ZNF738: variants seen among roughly 807,000 people sequenced by gnomAD.
ZNF738 encodes zinc finger protein 738, also known as protein ZNF738.
A neutral mutation model predicts 9.2 loss-of-function variants in ZNF738; 10 were observed. The observed-to-expected ratio is 1.09, with a 90% confidence interval of 0.67 to 1.85. The LOEUF is 1.85. ZNF738 is among the 40% of genes most tolerant of loss of function. ZNF738 has a pLI of 0.00. For missense variants in ZNF738, 346 were observed against 283.6 expected (o/e 1.22, Z -1.58); for synonymous variants, 113 against 94.5 (o/e 1.20, Z -1.14).
At chr19:21,380,324 A>G (rs1410115173) in intron 4 of ZNF738, among the ~76,000 whole-genome samples, 1 of 152,252 alleles carries the variant, frequency 6.6e-6, no homozygotes, top group Non-Finnish European at 1.5e-5. Context: ...ATGGTGACCA[A>G]ATAAAGAAGT....
intron 2 of ZNF738, among the ~76,000 whole-genome samples, chr19:21,364,682 T>C (rs1048858587): frequency 7.9e-5 from 12 of 151,818 alleles, no homozygotes; most frequent in African/African-American, 2.7e-4. Flanking sequence ...ATAAGAGAAT[T>C]GCTTACTCCA....
intron 4 of ZNF738, chr19:21,379,438 T>G (rs1224073684): frequency 6.6e-6 from 1 of 152,214 alleles, no homozygotes; most frequent in East Asian, 1.9e-4. Flanking sequence ...TTTGTGTTTA[T>G]TTTTTAGTTA....
At chr19:21,362,113 A>ATAG (rs1973707268) in intron 2 of ZNF738, among the ~76,000 whole-genome samples, 1 of 149,418 alleles carries the variant, frequency 6.7e-6, no homozygotes, top group Admixed American at 6.7e-5. Context: ...AATAATAATA[A>ATAG]TAATAATAAT....
At chr19:21,372,285 G>A (rs1973867172) in intron 2 of ZNF738, 1 of 152,136 alleles carries the variant, frequency 6.6e-6, no homozygotes, top group African/African-American at 2.4e-5. Context: ...AAACAGAACT[G>A]GAAATACTCC....
chr19:21,363,539 T>G (rs982887476), intron 2 of ZNF738, among the ~76,000 whole-genome samples: 1 of 152,148 alleles, frequency 6.6e-6, no homozygotes, highest in African/African-American at 2.4e-5. Flanking sequence ...GTGTAGTTGT[T>G]TTAAGGCAGT....
intron 2 of ZNF738, among the ~76,000 whole-genome samples, chr19:21,366,000 A>G (rs1973772043): frequency 6.6e-6 from 1 of 151,878 alleles, no homozygotes; most frequent in Non-Finnish European, 1.5e-5. Flanking sequence ...TTTATCCTGC[A>G]TTTCTACACA....
rs773958401 is a variant in ZNF738 at position 21,388,396 on chromosome 19, TG to T, written c.*4723del. Among the ~76,000 whole-genome samples, 11 of 152,196 alleles carry T rather than the reference TG, an allele frequency of 7.2e-5. No individual in the cohort carries two copies. The highest frequency in any genetic ancestry group is 1.5e-4 in the Non-Finnish European group (10 of 68,004). On this transcript the variant is annotated 3_prime_UTR_variant, in exon 5 of 5. Coordinates refer to ENST00000683779, the MANE Select transcript of ZNF738 (RefSeq NM_001355237.2). ...CTATGGACAAGTAAGGACATTAGAA[TG>T]TAAGATGCATGATGAAAAAGTGGAG... is the stretch of plus-strand genomic sequence containing the variant.
chr19:21,384,537 T>A lies in ZNF738; in HGVS notation c.*863T>A, dbSNP rs974745750. On this transcript the variant is annotated 3_prime_UTR_variant, in exon 5 of 5. Transcript: ENST00000683779. ...AAGTGGCAAAGCTTTTAACTGTTCC[T>A]CACAAATTACTAGACATAAGATAAT... Among the ~76,000 whole-genome samples, 5 of 151,986 alleles carry A rather than the reference T, an allele frequency of 3.3e-5. No homozygotes were observed. Among genetic ancestry groups the A allele is most frequent in the Non-Finnish European group, 7.4e-5 (5 of 67,988 alleles).
At position 21,384,748 on chromosome 19, in the gene ZNF738, C is replaced by G. The variant is rs910418969; in HGVS notation, c.*1074C>G. On this transcript the variant is annotated 3_prime_UTR_variant, in exon 5 of 5. Transcript: ENST00000683779. Reference sequence around the variant, plus strand: ...AAGAGAGTTCATACTGGAGAGAAACCCTACAAATGTGAAGAATGTGGCAAA... The same window carrying G: ...AAGAGAGTTCATACTGGAGAGAAACGCTACAAATGTGAAGAATGTGGCAAA... Among the ~76,000 whole-genome samples, 1 of 151,986 alleles carries G rather than the reference C, an allele frequency of 6.6e-6. No homozygotes were observed. The highest frequency in any genetic ancestry group is 2.1e-4 in the South Asian group (1 of 4,816).
chr19:21,366,499 A>G (rs889991679), intron 2 of ZNF738, among the ~76,000 whole-genome samples: 2 of 152,302 alleles, frequency 1.3e-5, no homozygotes. Flanking sequence ...TCTCTTCAGT[A>G]TAGTCCTTTT....
chr19:21,359,016 G>T lies in ZNF738; in HGVS notation c.-125G>T. On this transcript the variant is annotated 5_prime_UTR_variant, in exon 1 of 5. Coordinates refer to ENST00000683779, the MANE Select transcript of ZNF738 (RefSeq NM_001355237.2). ...CGCTTCTTTGTCTTTGGCTGCCGCTGGAACTCCGGGTCTCGTCTTCACTGC... is the reference window on the plus strand; with the variant it reads ...CGCTTCTTTGTCTTTGGCTGCCGCTTGAACTCCGGGTCTCGTCTTCACTGC... The T allele has an allele frequency of 1.3e-6, 1 of 766,002 alleles. No homozygotes were observed. The allele number at this position is 766,002 out of a possible 1,614,324, so 47.5% of individuals were successfully genotyped here. A position where few individuals can be genotyped will look rare whatever the true frequency, so the allele number is the denominator to read the frequency against.
chr19:21,374,001 GCTT>G (rs1402897343), intron 2 of ZNF738, among the ~76,000 whole-genome samples: 2 of 152,000 alleles, frequency 1.3e-5, no homozygotes, highest in East Asian at 3.9e-4. Flanking sequence ...CTAAATCATG[GCTT>G]CTTATACGCC....
At chr19:21,362,080 C>CTAA (rs201728810) in intron 2 of ZNF738, among the ~76,000 whole-genome samples, 10 of 139,822 alleles carry the variant, frequency 7.2e-5, no homozygotes, top group African/African-American at 2.2e-4. Context: ...GAAACTCCAT[C>CTAA]TAATAATAAT....
chr19:21,373,356 C>T (rs1427092951), intron 2 of ZNF738, among the ~76,000 whole-genome samples: 1 of 152,090 alleles, frequency 6.6e-6, no homozygotes, highest in Admixed American at 6.6e-5. Context: ...AGGCCAGAAT[C>T]AAGTGTGTGG....
chr19:21,386,576 G>A lies in ZNF738; in HGVS notation c.*2902G>A. On this transcript the variant is annotated 3_prime_UTR_variant, in exon 5 of 5. Transcript: ENST00000683779. ...TGAACAAAATAATTCATACAGGAGA[G>A]AAACACTACAAATGTGAGGAATGTG... 1 of 339,660 alleles carries A rather than the reference G, an allele frequency of 2.9e-6. No homozygotes were observed. Among genetic ancestry groups the A allele is most frequent in the South Asian group, 3.0e-5 (1 of 33,368 alleles). 21.0% of individuals were successfully genotyped at this position (339,660 alleles called of 1,614,324 possible). A position where few individuals can be genotyped will look rare whatever the true frequency, so the allele number is the denominator to read the frequency against.
chr19:21,388,133 T>A lies in ZNF738; in HGVS notation c.*4459T>A, dbSNP rs1457754186. ...GAAAATAATCTAAAACTAAAGTTGA[T>A]AGAAAAAGTATTTGTATATAAATTT... On this transcript the variant is annotated 3_prime_UTR_variant, in exon 5 of 5. Coordinates refer to ENST00000683779, the MANE Select transcript of ZNF738 (RefSeq NM_001355237.2). Among the ~76,000 whole-genome samples, 5 of 152,146 alleles carry A rather than the reference T, an allele frequency of 3.3e-5. No individual in the cohort carries two copies. The highest frequency in any genetic ancestry group is 1.2e-4 in the African/African-American group (5 of 41,456).
intron 2 of ZNF738, among the ~76,000 whole-genome samples, chr19:21,370,070 C>T (rs369731503): frequency 1.8e-4 from 28 of 152,274 alleles, no homozygotes; most frequent in Admixed American, 1.6e-3. Context: ...CCTCGGCCTC[C>T]CAAAGTGCTG....
At chr19:21,374,619 G>A (rs111897693) in intron 2 of ZNF738, among the ~76,000 whole-genome samples, 1 of 152,150 alleles carries the variant, frequency 6.6e-6, no homozygotes, top group Non-Finnish European at 1.5e-5. Context: ...TCTGGCAGCT[G>A]CCTTTCTTTC....
chr19:21,361,733 G>A, intron 1 of ZNF738, 33 bp from the exon 2 acceptor site: 2 of 778,202 alleles, frequency 2.6e-6, no homozygotes, highest in Non-Finnish European at 4.8e-6. Flanking sequence ...AGTGTCTAGT[G>A]GATATCAGCT....
Sources: allele counts gnomAD v4.1 joint callset (sites outside exome capture counted in the v4.1 genomes callset), GRCh38; gene constraint gnomAD v4.1.1; transcripts MANE v1.5; gene names NCBI Gene and HGNC (gene_info 2026-07-23, HGNC 2026-07-21).